KCNK10: variants seen among roughly 807,000 people sequenced by gnomAD.
KCNK10 encodes potassium channel subfamily K member 10.
A neutral mutation model predicts 47.7 loss-of-function variants in KCNK10; 25 were observed. That is an observed-to-expected ratio of 0.52 (90% CI 0.38 to 0.73). KCNK10 has a LOEUF of 0.73. KCNK10 is among the 30% of genes least tolerant of loss of function. The pLI is 0.00. For missense variants in KCNK10, 563 were observed against 714.5 expected (o/e 0.79, Z 2.42); for synonymous variants, 303 against 285.6 (o/e 1.06, Z -0.61).
At chr14:88,223,675 T>C (rs1037319100) in intron 4 of KCNK10, among the ~76,000 whole-genome samples, 4 of 152,218 alleles carry the variant, frequency 2.6e-5, no homozygotes, top group African/African-American at 9.6e-5. Context: ...AGTAAAGAAC[T>C]TTGCATCCCT....
intron 3 of KCNK10, among the ~76,000 whole-genome samples, chr14:88,230,442 C>G (rs1455075668): frequency 2.6e-5 from 4 of 152,152 alleles, no homozygotes; most frequent in African/African-American, 9.7e-5. Flanking sequence ...CCCCGTTTTT[C>G]AGGAAGAGAA....
At chr14:88,279,822 G>A (rs1003949263) in intron 1 of KCNK10, among the ~76,000 whole-genome samples, 4 of 152,074 alleles carry the variant, frequency 2.6e-5, no homozygotes, top group Non-Finnish European at 5.9e-5. Context: ...AGGAACCCAG[G>A]GGGAGGTAAT....
At chr14:88,318,085 G>A (rs551880299) in intron 1 of KCNK10, among the ~76,000 whole-genome samples, 6 of 152,338 alleles carry the variant, frequency 3.9e-5, no homozygotes, top group South Asian at 2.1e-4. Flanking sequence ...GGAAAACAGC[G>A]CACTGGAGGT....
intron 3 of KCNK10, among the ~76,000 whole-genome samples, chr14:88,228,523 A>G (rs74941267): frequency 0.014 from 2,076 of 152,352 alleles, 30 homozygotes; most frequent in East Asian, 0.04. Context: ...GTTAAAAAGT[A>G]TCTAGACAGT....
At chr14:88,271,575 G>C (rs1272951507) in intron 1 of KCNK10, among the ~76,000 whole-genome samples, 1 of 152,202 alleles carries the variant, frequency 6.6e-6, no homozygotes, top group Non-Finnish European at 1.5e-5. Context: ...TTCATGAAGA[G>C]CTACAAGCCT....
At chr14:88,210,694 A>G (rs531706079) in intron 4 of KCNK10, among the ~76,000 whole-genome samples, 11 of 152,156 alleles carry the variant, frequency 7.2e-5, no homozygotes, top group Non-Finnish European at 1.0e-4. Context: ...TGCAAGAGGG[A>G]AGCAAGGCTA....
At chr14:88,256,811 A>G (rs996429384) in intron 2 of KCNK10, among the ~76,000 whole-genome samples, 1 of 152,098 alleles carries the variant, frequency 6.6e-6, no homozygotes, top group Non-Finnish European at 1.5e-5. Context: ...CCTAACAAAT[A>G]AGCAGCAGCA....
intron 4 of KCNK10, among the ~76,000 whole-genome samples, chr14:88,213,546 G>A (rs1458879473): frequency 6.6e-6 from 1 of 152,110 alleles, no homozygotes; most frequent in Admixed American, 6.6e-5. Flanking sequence ...CCATGTTGTA[G>A]ACCTAAAGCA....
intron 4 of KCNK10, among the ~76,000 whole-genome samples, chr14:88,203,144 G>A (rs1489682528): frequency 4.6e-5 from 7 of 152,104 alleles, no homozygotes; most frequent in Non-Finnish European, 1.0e-4. Flanking sequence ...CCCACTCCAG[G>A]AGCAGTCACA....
At chr14:88,209,244 C>T (rs1414182816) in intron 4 of KCNK10, among the ~76,000 whole-genome samples, 1 of 152,136 alleles carries the variant, frequency 6.6e-6, no homozygotes, top group African/African-American at 2.4e-5. Context: ...TACAAACTGG[C>T]CCTTGTTTTC....
At position 88,181,772 on chromosome 14, in the gene KCNK10, T is replaced by C. The variant is rs17688996; in HGVS notation, c.*3763A>G. 9,651 of 152,328 alleles carry C rather than the reference T, an allele frequency of 0.063. 454 individuals are homozygous for C. The highest frequency in any genetic ancestry group is 0.094 in the Non-Finnish European group (6,387 of 67,996). The allele number at this position is 152,328 out of a possible 1,614,324, so 9.4% of individuals were successfully genotyped here. A position where few individuals can be genotyped will look rare whatever the true frequency, so the allele number is the denominator to read the frequency against. On this transcript the variant is annotated 3_prime_UTR_variant, in exon 7 of 7. Transcript: ENST00000319231. The stretch of plus-strand genomic sequence containing the variant: ...ATGGGCAAGACAATTAATTAGTCAT[T>C]ATTCACAAATCCAACTTATAATTTA...
intron 1 of KCNK10, among the ~76,000 whole-genome samples, chr14:88,314,511 C>T (rs1888389875): frequency 6.6e-6 from 1 of 152,232 alleles, no homozygotes; most frequent in African/African-American, 2.4e-5. Context: ...GGTACATTAA[C>T]TCAGACTCAA....
intron 2 of KCNK10, among the ~76,000 whole-genome samples, chr14:88,258,447 C>T (rs1422181687): frequency 2.0e-5 from 3 of 152,070 alleles, no homozygotes; most frequent in African/African-American, 2.4e-5. Context: ...CCTGCCACCA[C>T]GCCCAGCTAA....
At chr14:88,298,731 A>C (rs1299663743) in intron 1 of KCNK10, among the ~76,000 whole-genome samples, 1 of 152,192 alleles carries the variant, frequency 6.6e-6, no homozygotes, top group Non-Finnish European at 1.5e-5. Flanking sequence ...CTCTGACTTA[A>C]ATTATGTACG....
rs1404342934 is a variant in KCNK10 at position 88,240,767 on chromosome 14, G to T, written c.456C>A (p.Asn152Lys). ...TGCCGAGGTCCCAGTGGCTGCTGTT[G>T]TTGGAAGAGTTTCCTATTGGACTGA... Reference protein sequence around the residue: ...AGVSPIGNSSNNSSHWDLGSA... With the variant: ...AGVSPIGNSSKNSSHWDLGSA... Residue 152 changes from asparagine (N) to lysine (K), a missense_variant, in exon 3 of 7, where the codon AAC becomes AAA. Physicochemically the swap from Asn to Lys is moderately conservative, Grantham distance 94. Transcript: ENST00000319231. The T allele has an allele frequency of 6.2e-7, 1 of 1,613,636 alleles. No homozygotes were observed. The highest frequency in any genetic ancestry group is 2.2e-5 in the East Asian group (1 of 44,878).
In KCNK10 at chr14:88,266,897, G is replaced by A. The variant is rs182697624; in HGVS notation, c.53-3346C>T. ...TGCTTCCCAAGCTTCTAGCATCCCT[G>A]AGGCTGGGCAGAATTGGGCTTGAGA... On this transcript the variant is annotated intron_variant, in intron 1 of 6. Coordinates refer to ENST00000319231, the MANE Select transcript of KCNK10 (RefSeq NM_138317.3). Among the ~76,000 whole-genome samples the A allele has an allele frequency of 1.2e-4, 18 of 152,306 alleles. 1 individual carries two copies. Among genetic ancestry groups the A allele is most frequent in the Admixed American group, 8.5e-4 (13 of 15,304 alleles).
rs374285699 is a variant in KCNK10, at chr14:88,198,980, C to T, written c.682-6570G>A. On this transcript the variant is annotated intron_variant, in intron 4 of 6. Transcript: ENST00000319231. ...TGTCGCCCAGGCTGGAGTGCAGTGG[C>T]GCAAACTCAGCTCACTGCAACTTCC... 4.6e-4 allele frequency among the ~76,000 whole-genome samples: 67 copies of T among 144,860 alleles called. 2 individuals carry two copies. In the East Asian group the frequency reaches 0.013, roughly 28 times the overall value.
chr14:88,197,607 A>AAAAAAAAAAAAAAAG, intron 4 of KCNK10, among the ~76,000 whole-genome samples: 1 of 147,362 alleles, frequency 6.8e-6, no homozygotes. Flanking sequence ...AAAAAAAAAA[A>AAAAAAAAAAAAAAAG]AAAAATCAAC....
At chr14:88,288,938 C>G (rs1887823201) in intron 1 of KCNK10, among the ~76,000 whole-genome samples, 1 of 152,192 alleles carries the variant, frequency 6.6e-6, no homozygotes, top group Non-Finnish European at 1.5e-5. Flanking sequence ...AGCCCACCAC[C>G]TGGCTTGATT....
Sources: allele counts gnomAD v4.1 joint callset (sites outside exome capture counted in the v4.1 genomes callset), GRCh38; gene constraint gnomAD v4.1.1; transcripts MANE v1.5; gene names NCBI Gene and HGNC (gene_info 2026-07-23, HGNC 2026-07-21).